Variants in FBXO28 observed in about 807,000 individuals in gnomAD.
FBXO28 encodes the protein F-box protein 28.
Under a neutral mutation model 38.1 loss-of-function variants are expected in FBXO28, and 8 were observed. That is an observed-to-expected ratio of 0.21 (90% CI 0.12 to 0.38). The LOEUF is 0.38. FBXO28 is among the 10% of genes least tolerant of loss of function. The pLI, the probability that FBXO28 is intolerant of heterozygous loss-of-function variation, is 1.00. For synonymous variants in FBXO28, 168 were observed against 173.8 expected (o/e 0.97, Z 0.26); for missense variants, 345 against 460.6 (o/e 0.75, Z 2.30).
rs186991725 is a variant in FBXO28, at chr1:224,139,300, T to C, written c.516+5088T>C. The stretch of plus-strand genomic sequence containing the variant: ...AAATTGGTGGTGGTAAATTTTTTTA[T>C]TCTTTTTTTTGTGTGTGTAAATTTT... On this transcript the variant is annotated intron_variant, in intron 3 of 4. Coordinates refer to ENST00000366862, the MANE Select transcript of FBXO28 (RefSeq NM_015176.4). Among the ~76,000 whole-genome samples, 35 of 152,004 alleles carry C rather than the reference T, an allele frequency of 2.3e-4. 1 individual carries two copies. The highest frequency in any genetic ancestry group is 1.5e-5 in the Non-Finnish European group (1 of 68,034).
intron 1 of FBXO28, among the ~76,000 whole-genome samples, chr1:224,117,919 A>T (rs1656679056): frequency 6.6e-6 from 1 of 152,130 alleles, no homozygotes; most frequent in Admixed American, 6.5e-5. Flanking sequence ...TGAGGCTTTG[A>T]ACCTATGTAA....
Position 224,159,566 on chromosome 1 carries a change from A to G in FBXO28, c.*1820A>G, listed in dbSNP as rs1037420879. 6.6e-6 allele frequency: 1 copy of G among 152,652 alleles called. No homozygotes were observed. The allele number at this position is 152,652 out of a possible 1,614,324, so 9.5% of individuals were successfully genotyped here. On this transcript the variant is annotated 3_prime_UTR_variant, in exon 5 of 5. Coordinates refer to ENST00000366862, the MANE Select transcript of FBXO28 (RefSeq NM_015176.4). ...AAACATTTGTCAGCCAAGGTCATCC[A>G]TAAAAGTCCCCGTCTGGAACTCGTT...
At chr1:224,125,660 G>C (rs1048492561) in intron 1 of FBXO28, among the ~76,000 whole-genome samples, 1 of 129,132 alleles carries the variant, frequency 7.7e-6, no homozygotes, top group African/African-American at 2.9e-5. Flanking sequence ...TTTTTTTTCT[G>C]ACACGGAGTC....
intron 3 of FBXO28, among the ~76,000 whole-genome samples, chr1:224,151,707 G>GT (rs1346206507): frequency 6.6e-6 from 1 of 152,146 alleles, no homozygotes; most frequent in Admixed American, 6.6e-5. Context: ...TTCTTACGAG[G>GT]TTAAGGGCCC....
At chr1:224,136,392 T>C (rs1001101680) in intron 3 of FBXO28, among the ~76,000 whole-genome samples, 1 of 151,992 alleles carries the variant, frequency 6.6e-6, no homozygotes, top group Non-Finnish European at 1.5e-5. Context: ...TATGATAAGT[T>C]GTTCTTGTTT....
At chr1:224,140,202 C>G (rs1397343629) in intron 3 of FBXO28, among the ~76,000 whole-genome samples, 1 of 152,194 alleles carries the variant, frequency 6.6e-6, no homozygotes, top group Non-Finnish European at 1.5e-5. Flanking sequence ...AGCTAGGATA[C>G]TCTTACTTAA....
intron 1 of FBXO28, among the ~76,000 whole-genome samples, chr1:224,116,898 G>C (rs184439277): frequency 9.2e-5 from 14 of 152,208 alleles, no homozygotes; most frequent in African/African-American, 3.4e-4. Flanking sequence ...TTTTTGGCTG[G>C]GCGCAGTGGC....
rs899344472 is a variant in FBXO28, at chr1:224,134,070, A to G, written c.378-4A>G. ...CCTTGCTTTTATTATTATTATTATTATAGGAGAGAGTCAGAAAGGAGAAAC... is the reference window on the plus strand; with the variant it reads ...CCTTGCTTTTATTATTATTATTATTGTAGGAGAGAGTCAGAAAGGAGAAAC... On this transcript the variant is annotated splice_polypyrimidine_tract_variant and splice_region_variant and intron_variant, in intron 2 of 4. Transcript: ENST00000366862. The G allele has an allele frequency of 5.3e-6, 8 of 1,516,654 alleles. No individual in the cohort carries two copies. The highest frequency in any genetic ancestry group is 6.2e-6 in the Non-Finnish European group (7 of 1,135,178). The allele number at this position is 1,516,654 out of a possible 1,614,324, so 93.9% of individuals were successfully genotyped here. A position where few individuals can be genotyped will look rare whatever the true frequency, so the allele number is the denominator to read the frequency against.
In FBXO28 at chr1:224,159,404, A is replaced by G. The variant is rs1657845199; in HGVS notation, c.*1658A>G. On this transcript the variant is annotated 3_prime_UTR_variant, in exon 5 of 5. Transcript: ENST00000366862. ...ATTGTCCTTACATAATATTGTCCTT[A>G]GATTTTGATCAATTCTATGTCTGAC... is the stretch of plus-strand genomic sequence containing the variant. 6.6e-6 allele frequency: 1 copy of G among 152,478 alleles called. No homozygotes were observed. The allele number at this position is 152,478 out of a possible 1,614,324, so 9.4% of individuals were successfully genotyped here. A position where few individuals can be genotyped will look rare whatever the true frequency, so the allele number is the denominator to read the frequency against.
intron 1 of FBXO28, among the ~76,000 whole-genome samples, chr1:224,127,666 G>C (rs1656938071): frequency 6.6e-6 from 1 of 152,096 alleles, no homozygotes; most frequent in Non-Finnish European, 1.5e-5. Context: ...CTGCACTTTG[G>C]GGGGCCAAGA....
At position 224,159,751 on chromosome 1, in the gene FBXO28, G is replaced by C. The variant is rs562457995; in HGVS notation, c.*2005G>C. The C allele has an allele frequency of 6.6e-6, 1 of 152,146 alleles. No homozygotes were observed. Among genetic ancestry groups the C allele is most frequent in the South Asian group, 2.1e-4 (1 of 4,816 alleles). The allele number at this position is 152,146 out of a possible 1,614,324, so 9.4% of individuals were successfully genotyped here. ...CAAAGCATGTGTTTACAGATTTACAGAGTGTGATCCGTATGCATCAAAGGG... is the reference window on the plus strand; with the variant it reads ...CAAAGCATGTGTTTACAGATTTACACAGTGTGATCCGTATGCATCAAAGGG... On this transcript the variant is annotated 3_prime_UTR_variant, in exon 5 of 5. Coordinates refer to ENST00000366862, the MANE Select transcript of FBXO28 (RefSeq NM_015176.4).
intron 1 of FBXO28, among the ~76,000 whole-genome samples, chr1:224,119,443 A>AT (rs954442680): frequency 2.0e-5 from 3 of 151,268 alleles, no homozygotes; most frequent in African/African-American, 4.8e-5. Context: ...GGCCCCACTG[A>AT]TTTTTTCTTG....
chr1:224,150,213 A>C (rs1657609187), intron 3 of FBXO28, among the ~76,000 whole-genome samples: 1 of 152,158 alleles, frequency 6.6e-6, no homozygotes, highest in African/African-American at 2.4e-5. Flanking sequence ...AATCCCAGCT[A>C]CTTGGGAGGC....
rs906885097 is a variant in FBXO28, at chr1:224,142,044, A to T, written c.516+7832A>T. 2.0e-5 allele frequency among the ~76,000 whole-genome samples: 3 copies of T among 149,994 alleles called. No homozygotes were observed. The Admixed American group carries it at 2.0e-4, about 10-fold the overall frequency. On this transcript the variant is annotated intron_variant, in intron 3 of 4. Coordinates refer to ENST00000366862, the MANE Select transcript of FBXO28 (RefSeq NM_015176.4). ...ACCTGGGACTCTACAGGCACATTAA[A>T]TTTTTTTTTTTTTTTTAATTTTTGG...
chr1:224,152,282 C>G (rs1451273909), intron 3 of FBXO28, among the ~76,000 whole-genome samples: 1 of 152,068 alleles, frequency 6.6e-6, no homozygotes, highest in African/African-American at 2.4e-5. Flanking sequence ...CGTAACAAGT[C>G]TCAGAGAAAC....
chr1:224,119,167 T>C (rs1656716916), intron 1 of FBXO28, among the ~76,000 whole-genome samples: 1 of 133,338 alleles, frequency 7.5e-6, no homozygotes, highest in Non-Finnish European at 1.6e-5. Context: ...GGAATCTCGC[T>C]CTGTCGCCCA....
chr1:224,131,412 C>CT (rs1201152966), intron 2 of FBXO28, among the ~76,000 whole-genome samples: 1 of 152,080 alleles, frequency 6.6e-6, no homozygotes, highest in Admixed American at 6.6e-5. Flanking sequence ...ACACTTCCCA[C>CT]TTTCAAAACT....
chr1:224,116,055 G>A (rs1354468095), intron 1 of FBXO28, among the ~76,000 whole-genome samples: 2 of 152,076 alleles, frequency 1.3e-5, no homozygotes, highest in Non-Finnish European at 2.9e-5. Context: ...GGCCTTTTAA[G>A]GTTATAAATT....
At chr1:224,128,853 G>T (rs1656966489) in intron 1 of FBXO28, among the ~76,000 whole-genome samples, 1 of 151,816 alleles carries the variant, frequency 6.6e-6, no homozygotes, top group Non-Finnish European at 1.5e-5. Context: ...GCGCGGGGTG[G>T]TGCATACCTG....
Sources: allele counts gnomAD v4.1 joint callset (sites outside exome capture counted in the v4.1 genomes callset), GRCh38; gene constraint gnomAD v4.1.1; transcripts MANE v1.5; gene names NCBI Gene and HGNC (gene_info 2026-07-23, HGNC 2026-07-21).